The following ARHGAP10 variants were observed in gnomAD, a reference collection of about 807,000 sequenced individuals.
ARHGAP10 encodes the protein Rho GTPase activating protein 10.
A neutral mutation model predicts 108.6 loss-of-function variants in ARHGAP10; 87 were observed. That is an observed-to-expected ratio of 0.80 (90% CI 0.67 to 0.96). The LOEUF (loss-of-function observed/expected upper bound fraction) is 0.96, where lower values mean the gene tolerates loss of function less well. Ranked by LOEUF, ARHGAP10 falls within the 40% of genes least tolerant of loss-of-function variation. ARHGAP10 has a pLI of 0.00. For synonymous variants in ARHGAP10, 347 were observed against 341.1 expected (o/e 1.02, Z -0.19); for missense variants, 939 against 954.5 (o/e 0.98, Z 0.21).
chr4:148,069,877 G>T (rs984501039), intron 22 of ARHGAP10, among the ~76,000 whole-genome samples: 20 of 152,304 alleles, frequency 1.3e-4, no homozygotes, highest in Non-Finnish European at 1.9e-4. Flanking sequence ...GCTTTTCCCT[G>T]ATGGTGGCTG....
At chr4:148,044,708 C>T (rs895229352) in intron 19 of ARHGAP10, among the ~76,000 whole-genome samples, 3 of 152,140 alleles carry the variant, frequency 2.0e-5, no homozygotes, top group African/African-American at 4.8e-5. Context: ...GCCAGCCCCT[C>T]GCGTCACTTG....
intron 3 of ARHGAP10, among the ~76,000 whole-genome samples, chr4:147,825,275 C>T (rs1173395233): frequency 6.6e-6 from 1 of 152,096 alleles, no homozygotes; most frequent in Non-Finnish European, 1.5e-5. Flanking sequence ...CCTGGTGAAA[C>T]CCCGTCTCTA....
chr4:147,775,597 C>T (rs1176410832), intron 1 of ARHGAP10, among the ~76,000 whole-genome samples: 7 of 152,154 alleles, frequency 4.6e-5, no homozygotes, highest in Non-Finnish European at 1.0e-4. Context: ...TTCCTTTTCA[C>T]CCAGAAGGCA....
At chr4:147,732,497 G>C in intron 1 of ARHGAP10, 42 bp downstream of exon 1, 1 of 1,603,260 alleles carries the variant, frequency 6.2e-7, no homozygotes, top group Non-Finnish European at 8.5e-7. Context: ...GGCGTGGCGA[G>C]GCGGCTGGGG....
At chr4:147,961,509 A>G (rs979409125) in intron 16 of ARHGAP10, among the ~76,000 whole-genome samples, 2 of 152,178 alleles carry the variant, frequency 1.3e-5, no homozygotes, top group African/African-American at 2.4e-5. Context: ...TGTGTTGTCC[A>G]AGATTTTAGT....
At chr4:147,969,415 A>C (rs903101038) in intron 18 of ARHGAP10, among the ~76,000 whole-genome samples, 1 of 147,280 alleles carries the variant, frequency 6.8e-6, no homozygotes, top group East Asian at 2.0e-4. Context: ...ATTAGTGTGC[A>C]CTAAGCCATC....
intron 8 of ARHGAP10, among the ~76,000 whole-genome samples, chr4:147,875,725 G>T (rs1302566091): frequency 2.0e-5 from 3 of 152,182 alleles, no homozygotes; most frequent in Non-Finnish European, 2.9e-5. Context: ...GGTGATAAAA[G>T]ATATTCCTAC....
chr4:147,819,051 AATAC>A (rs1289683481), intron 1 of ARHGAP10, among the ~76,000 whole-genome samples: 1 of 152,248 alleles, frequency 6.6e-6, no homozygotes, highest in Non-Finnish European at 1.5e-5. Context: ...CATAGGGAGA[AATAC>A]ATCAGATTAG....
chr4:147,760,956 G>C (rs1412959611), intron 1 of ARHGAP10, among the ~76,000 whole-genome samples: 15 of 151,954 alleles, frequency 9.9e-5, no homozygotes, highest in African/African-American at 3.1e-4. Flanking sequence ...TCTCAACTGA[G>C]AACTGTAAAA....
At chr4:147,934,750 C>T (rs1737859379) in intron 13 of ARHGAP10, among the ~76,000 whole-genome samples, 1 of 152,194 alleles carries the variant, frequency 6.6e-6, no homozygotes, top group Non-Finnish European at 1.5e-5. Flanking sequence ...GGGAGGATGG[C>T]TTGATCCAAG....
chr4:148,017,690 G>GTA (rs1553971559), intron 18 of ARHGAP10, among the ~76,000 whole-genome samples: 1 of 133,538 alleles, frequency 7.5e-6, no homozygotes, highest in Non-Finnish European at 1.5e-5. Context: ...ATATGTGTGT[G>GTA]TATGTAAAGG....
At chr4:147,936,367 G>GCCGGA (rs2126956626) in intron 13 of ARHGAP10, among the ~76,000 whole-genome samples, 2 of 134,542 alleles carry the variant, frequency 1.5e-5, no homozygotes, top group Non-Finnish European at 3.1e-5. Flanking sequence ...TGTCGCCCAG[G>GCCGGA]CTGGACTGCG....
At chr4:147,903,313 TAA>T (rs968472397) in intron 10 of ARHGAP10, among the ~76,000 whole-genome samples, 2 of 152,200 alleles carry the variant, frequency 1.3e-5, no homozygotes, top group African/African-American at 4.8e-5. Context: ...GACTACTTTT[TAA>T]AGAATAGTTT....
chr4:148,066,895 A>T (rs1729903633), intron 22 of ARHGAP10, among the ~76,000 whole-genome samples: 1 of 152,196 alleles, frequency 6.6e-6, no homozygotes, highest in African/African-American at 2.4e-5. Context: ...ACGATGCCAC[A>T]CTGGGTACAT....
In ARHGAP10 at chr4:148,063,247, G is replaced by A. The variant is rs199978457; in HGVS notation, c.2127G>A (p.Ser709=). The change falls in exon 21 of 23, where the codon TCG becomes TCA. Residue 709 remains serine (S), a synonymous_variant. Coordinates refer to ENST00000336498, the MANE Select transcript of ARHGAP10 (RefSeq NM_024605.4). The part of the protein sequence containing the change: ...NSAVTPLSPG[S]SPFPFSPPAT... ...CTGTGACACCTCTTTCACCCGGGTCGTCCCCTTTCCCCTTTTCTCCTCCTG... is the reference window on the plus strand; with the variant it reads ...CTGTGACACCTCTTTCACCCGGGTCATCCCCTTTCCCCTTTTCTCCTCCTG... The A allele has an allele frequency of 2.7e-5, 43 of 1,613,966 alleles. No individual in the cohort carries two copies. The highest frequency in any genetic ancestry group is 3.3e-5 in the South Asian group (3 of 91,066).
At chr4:148,007,016 G>A (rs992884294) in intron 18 of ARHGAP10, among the ~76,000 whole-genome samples, 1 of 152,176 alleles carries the variant, frequency 6.6e-6, no homozygotes, top group Non-Finnish European at 1.5e-5. Context: ...ATAATAGGAT[G>A]TAGAAAAATT....
intron 1 of ARHGAP10, among the ~76,000 whole-genome samples, chr4:147,771,671 TTTC>T (rs1730088362): frequency 1.3e-5 from 2 of 152,240 alleles, no homozygotes; most frequent in South Asian, 4.1e-4. Flanking sequence ...AGAATCTTGT[TTTC>T]TTTATATTCT....
intron 1 of ARHGAP10, among the ~76,000 whole-genome samples, chr4:147,807,571 A>G (rs1731841595): frequency 1.3e-5 from 2 of 152,168 alleles, no homozygotes; most frequent in South Asian, 2.1e-4. Flanking sequence ...AATAATGGAA[A>G]AACATTTGAC....
rs1352171764 is a variant in ARHGAP10, at chr4:148,014,087, AGAG to A, written c.1717-9172_1717-9170del. Among the ~76,000 whole-genome samples the A allele has an allele frequency of 5.3e-5, 8 of 152,356 alleles. No individual in the cohort carries two copies. The East Asian group carries it at 1.2e-3, about 22-fold the overall frequency. On this transcript the variant is annotated intron_variant, in intron 18 of 22. Transcript: ENST00000336498. Reference sequence around the variant, plus strand: ...AACCAACATCAAAGAAGGAGGAAGAAGAGGAGAAAAAAAGGAATGTTGTGTATG... The same window carrying A: ...AACCAACATCAAAGAAGGAGGAAGAAGAGAAAAAAAGGAATGTTGTGTATG...
Sources: allele counts gnomAD v4.1 joint callset (sites outside exome capture counted in the v4.1 genomes callset), GRCh38; gene constraint gnomAD v4.1.1; transcripts MANE v1.5; gene names NCBI Gene and HGNC (gene_info 2026-07-23, HGNC 2026-07-21).